Variants in PCDHGA8 observed in about 807,000 individuals in gnomAD.
PCDHGA8 encodes protocadherin gamma-A8.
Under a neutral mutation model 59.2 loss-of-function variants are expected in PCDHGA8, and 45 were observed. The ratio of observed to expected loss-of-function variants is 0.76; its 90% CI spans 0.60 to 0.98. The LOEUF (loss-of-function observed/expected upper bound fraction) is 0.98, where lower values mean the gene tolerates loss of function less well. Among genes scored for constraint, PCDHGA8 ranks in the 50% least tolerant of loss-of-function variants. The pLI, the probability that PCDHGA8 is intolerant of heterozygous loss-of-function variation, is 0.00. For missense variants in PCDHGA8, 1,257 were observed against 1,196.2 expected, an observed-to-expected ratio of 1.05 and a Z score of -0.75; for synonymous variants, 531 against 519.0, an observed-to-expected ratio of 1.02 and a Z score of -0.32.
chr5:141,413,140 A>T (rs2095607783), intron 1 of PCDHGA8: 1 of 1,563,150 alleles, frequency 6.4e-7, no homozygotes, highest in Non-Finnish European at 8.7e-7. Flanking sequence ...CAACGTGTCC[A>T]GTGAGGACTT....
At chr5:141,503,010 A>AT (rs199924715) in intron 2 of PCDHGA8, among the ~76,000 whole-genome samples, 26,593 of 146,658 alleles carry the variant, frequency 0.18, 2,532 homozygotes, top group Admixed American at 0.29. Context: ...TGCCCGGTTA[A>AT]TTTTTTTTTT....
chr5:141,449,830 T>G (rs1316368063), intron 1 of PCDHGA8, among the ~76,000 whole-genome samples: 1 of 151,724 alleles, frequency 6.6e-6, no homozygotes, highest in Non-Finnish European at 1.5e-5. Flanking sequence ...AAGGACATTC[T>G]TTTATATAAT....
At chr5:141,471,215 A>G (rs1562030197) in intron 1 of PCDHGA8, 1 of 149,038 alleles carries the variant, frequency 6.7e-6, no homozygotes, top group Non-Finnish European at 1.5e-5. Context: ...ATGCCTGGCA[A>G]TTTTTTTGTA....
In PCDHGA8 at chr5:141,486,518, A is replaced by G; in HGVS notation, c.2425-8289A>G. The G allele has an allele frequency of 6.2e-7, 1 of 1,614,132 alleles. No homozygotes were observed. Among genetic ancestry groups the G allele is most frequent in the Non-Finnish European group, 8.5e-7 (1 of 1,179,996 alleles). On this transcript the variant is annotated intron_variant, in intron 1 of 3. Coordinates refer to ENST00000398604, the MANE Select transcript of PCDHGA8 (RefSeq NM_032088.2). The surrounding 1 kb of genome is among the most constrained non-coding windows in gnomAD (Gnocchi z 5.0). ...TATTTTCCTCAATATTTCAGATGTG[A>G]ATGATAATCCACCCTCTTTCTTTCA...
chr5:141,432,050 C>T lies in PCDHGA8; in HGVS notation c.2424+36813C>T. The stretch of plus-strand genomic sequence containing the variant: ...GACCGCCACTGACCGGGGAACCCCG[C>T]CCCTATCCACGGAAACTCATATCTC... On this transcript the variant is annotated intron_variant, in intron 1 of 3. Transcript: ENST00000398604. The surrounding 1 kb of genome is among the most constrained non-coding windows in gnomAD (Gnocchi z 6.0). The T allele has an allele frequency of 6.2e-7, 1 of 1,614,218 alleles. No individual in the cohort carries two copies. The highest frequency in any genetic ancestry group is 8.5e-7 in the Non-Finnish European group (1 of 1,180,044).
chr5:141,415,419 C>A, intron 1 of PCDHGA8: 1 of 1,614,196 alleles, frequency 6.2e-7, no homozygotes, highest in East Asian at 2.2e-5. Context: ...TGGGCGTGGA[C>A]GGGGTTCGGG....
At position 141,404,344 on chromosome 5, in the gene PCDHGA8, C is replaced by T. The variant is rs755599341; in HGVS notation, c.2424+9107C>T. 1.1e-5 allele frequency: 18 copies of T among 1,613,954 alleles called. No homozygotes were observed. In the East Asian group the frequency reaches 3.8e-4, roughly 34 times the overall value. ...CCTACTCAGTCTACCTCCCGGAAAA[C>T]AACGCCAGAGGTACTTCCATCTTCT... On this transcript the variant is annotated intron_variant, in intron 1 of 3. Coordinates refer to ENST00000398604, the MANE Select transcript of PCDHGA8 (RefSeq NM_032088.2).
intron 1 of PCDHGA8, chr5:141,407,888 C>T (rs769893466): frequency 2.6e-6 from 1 of 388,626 alleles, no homozygotes; most frequent in Non-Finnish European, 4.6e-6. Flanking sequence ...TTTCGGAGAC[C>T]GAATTCAAAA....
At position 141,445,006 on chromosome 5, in the gene PCDHGA8, G is replaced by A. The variant is rs550056654; in HGVS notation, c.2424+49769G>A. Among the ~76,000 whole-genome samples, 51 of 152,044 alleles carry A rather than the reference G, an allele frequency of 3.4e-4. 2 individuals are homozygous for A. The South Asian group carries it at 9.6e-3, about 28-fold the overall frequency. ...CATGGTATATATTTCCATTTAATTA[G>A]GTCTTTAATTTCTCTCAGCTATGTT... On this transcript the variant is annotated intron_variant, in intron 1 of 3. Transcript: ENST00000398604.
chr5:141,421,058 A>G, intron 1 of PCDHGA8: 2 of 577,316 alleles, frequency 3.5e-6, no homozygotes, highest in Non-Finnish European at 3.0e-6. Context: ...TCTACCACAC[A>G]AAGCGGAATG....
rs556484142 is a variant in PCDHGA8 at position 141,503,243 on chromosome 5, CA to C, written c.2484-2149del. On this transcript the variant is annotated intron_variant, in intron 2 of 3. Coordinates refer to ENST00000398604, the MANE Select transcript of PCDHGA8 (RefSeq NM_032088.2). ...CACCGTAAAGATGGACAGTTTCTAT[CA>C]TACTCACAGCCACAACCCCAGCACC... Among the ~76,000 whole-genome samples, 232 of 152,196 alleles carry C rather than the reference CA, an allele frequency of 1.5e-3. 2 individuals carry two copies. Among genetic ancestry groups the C allele is most frequent in the African/African-American group, 5.3e-3 (219 of 41,516 alleles).
At chr5:141,400,459 G>C (rs1287515286) in intron 1 of PCDHGA8, 1 of 1,614,072 alleles carries the variant, frequency 6.2e-7, no homozygotes, top group Admixed American at 1.7e-5. Flanking sequence ...CATACTTTGT[G>C]GTGATTCATC....
chr5:141,431,237 C>A lies in PCDHGA8; in HGVS notation c.2424+36000C>A. 1 of 1,614,170 alleles carries A rather than the reference C, an allele frequency of 6.2e-7. No homozygotes were observed. Among genetic ancestry groups the A allele is most frequent in the Non-Finnish European group, 8.5e-7 (1 of 1,180,044 alleles). The stretch of plus-strand genomic sequence containing the variant: ...GTTCCCTCTACCCCACGCCTGGGAT[C>A]CGGATATCGGGAAGAACTCTCTGCA... On this transcript the variant is annotated intron_variant, in intron 1 of 3. Transcript: ENST00000398604. The surrounding 1 kb of genome is among the most constrained non-coding windows in gnomAD (Gnocchi z 4.8).
chr5:141,477,344 A>C lies in PCDHGA8; in HGVS notation c.2425-17463A>C. On this transcript the variant is annotated intron_variant, in intron 1 of 3. Coordinates refer to ENST00000398604, the MANE Select transcript of PCDHGA8 (RefSeq NM_032088.2). The surrounding 1 kb of genome is among the most constrained non-coding windows in gnomAD (Gnocchi z 4.9). Reference sequence around the variant, plus strand: ...TTCCCTCAAGAATTACTTCACTTTGAAAACCAGTGCAGACCTGGATCGGGA... The same window carrying C: ...TTCCCTCAAGAATTACTTCACTTTGCAAACCAGTGCAGACCTGGATCGGGA... 6.2e-7 allele frequency: 1 copy of C among 1,614,154 alleles called. No homozygotes were observed. The highest frequency in any genetic ancestry group is 8.5e-7 in the Non-Finnish European group (1 of 1,180,034).
chr5:141,449,040 C>A (rs1333983931), intron 1 of PCDHGA8, among the ~76,000 whole-genome samples: 2 of 152,126 alleles, frequency 1.3e-5, no homozygotes, highest in Non-Finnish European at 2.9e-5. Flanking sequence ...GGATTATTAA[C>A]CAGTCTCATA....
intron 1 of PCDHGA8, among the ~76,000 whole-genome samples, chr5:141,446,381 T>C (rs1225260527): frequency 1.3e-5 from 2 of 152,248 alleles, no homozygotes; most frequent in Non-Finnish European, 2.9e-5. Flanking sequence ...TAAAGAATGA[T>C]AGATTTAAGA....
At chr5:141,421,320 G>C (rs1561793188) in intron 1 of PCDHGA8, 1 of 1,613,904 alleles carries the variant, frequency 6.2e-7, no homozygotes, top group East Asian at 2.2e-5. Flanking sequence ...GGGCCAGGCA[G>C]ATCCGATATT....
At chr5:141,413,658 T>G (rs2154544690) in intron 1 of PCDHGA8, 1 of 1,613,860 alleles carries the variant, frequency 6.2e-7, no homozygotes, top group East Asian at 2.2e-5. Flanking sequence ...TCCCGGAAGC[T>G]ATTGATCCGG....
intron 1 of PCDHGA8, among the ~76,000 whole-genome samples, chr5:141,469,345 G>A (rs2099197832): frequency 6.6e-6 from 1 of 152,128 alleles, no homozygotes; most frequent in Non-Finnish European, 1.5e-5. Context: ...GGGAGGCTGA[G>A]GTGGATGGAT....
Sources: gnomAD v4.1 joint callset for allele counts (sites outside exome capture counted in the v4.1 genomes callset) on GRCh38, gnomAD v4.1.1 for gene constraint, Gnocchi (gnomAD v3.1) non-coding constraint, MANE v1.5 for transcripts, NCBI Gene and HGNC (gene_info 2026-07-23, HGNC 2026-07-21) for gene names.